Variants in ST6GAL1 observed in about 807,000 individuals in gnomAD.
ST6GAL1 encodes the protein beta-galactoside alpha-2,6-sialyltransferase 1.
A neutral mutation model predicts 38.0 loss-of-function variants in ST6GAL1; 20 were observed. That is an observed-to-expected ratio of 0.53 (90% CI 0.37 to 0.77). The LOEUF is 0.77. Ranked by LOEUF, ST6GAL1 falls within the 30% of genes least tolerant of loss-of-function variation. The probability of loss-of-function intolerance (pLI) is 0.00; values close to 1 mark genes in which losing one functional copy is unlikely to be tolerated. For synonymous variants in ST6GAL1, 196 were observed against 188.2 expected, an observed-to-expected ratio of 1.04 and a Z score of -0.34; for missense variants, 432 against 496.4, an observed-to-expected ratio of 0.87 and a Z score of 1.23.
chr3:186,940,869 G>T (rs1329179867), intron 1 of ST6GAL1, among the ~76,000 whole-genome samples: 1 of 145,926 alleles, frequency 6.9e-6, no homozygotes, highest in African/African-American at 2.5e-5. Context: ...GGACATTTAT[G>T]TATTCCCATA....
intron 2 of ST6GAL1, among the ~76,000 whole-genome samples, chr3:186,997,400 T>G (rs1716453458): frequency 1.3e-5 from 2 of 152,142 alleles, no homozygotes. Context: ...TATTCTGCTC[T>G]TCATCATCTG....
chr3:187,021,680 G>T (rs1364578381), intron 2 of ST6GAL1, among the ~76,000 whole-genome samples: 1 of 147,656 alleles, frequency 6.8e-6, no homozygotes, highest in Admixed American at 6.9e-5. Flanking sequence ...GGCAGAGGTT[G>T]CAGTGAATCA....
intron 2 of ST6GAL1, among the ~76,000 whole-genome samples, chr3:186,987,835 A>G (rs1716006806): frequency 6.6e-6 from 1 of 152,248 alleles, no homozygotes; most frequent in African/African-American, 2.4e-5. Context: ...TTAAATAAAT[A>G]TGTTTCTGCT....
At chr3:186,934,319 G>A (rs540552511) in intron 1 of ST6GAL1, among the ~76,000 whole-genome samples, 1 of 152,088 alleles carries the variant, frequency 6.6e-6, no homozygotes, top group Non-Finnish European at 1.5e-5. Flanking sequence ...GGAAGAGTTC[G>A]AATTCCTTGA....
At chr3:187,072,637 T>A (rs1390886531) in intron 5 of ST6GAL1, 1 of 537,604 alleles carries the variant, frequency 1.9e-6, no homozygotes, top group Non-Finnish European at 3.4e-6. Context: ...ATTCTATGGC[T>A]AGTGGCTTGT....
intron 4 of ST6GAL1, among the ~76,000 whole-genome samples, chr3:187,050,602 AGAAG>A (rs1354010199): frequency 6.6e-6 from 1 of 151,666 alleles, no homozygotes; most frequent in Non-Finnish European, 1.5e-5. Context: ...AGGAAGGAAA[AGAAG>A]GAAGGAAGGA....
At chr3:186,941,699 T>A (rs1014240339) in intron 1 of ST6GAL1, among the ~76,000 whole-genome samples, 5 of 151,916 alleles carry the variant, frequency 3.3e-5, no homozygotes, top group Non-Finnish European at 5.9e-5. Context: ...CACTGCCGTG[T>A]TATAAAGTGA....
chr3:187,008,681 A>G (rs1033560212), intron 2 of ST6GAL1, among the ~76,000 whole-genome samples: 2 of 152,224 alleles, frequency 1.3e-5, no homozygotes, highest in Non-Finnish European at 2.9e-5. Context: ...AAACTTGAGG[A>G]ACAAAAGAAG....
chr3:186,967,593 C>T (rs1715190917), intron 2 of ST6GAL1, among the ~76,000 whole-genome samples: 1 of 152,106 alleles, frequency 6.6e-6, no homozygotes, highest in Non-Finnish European at 1.5e-5. Flanking sequence ...AGGGACAGGG[C>T]TGAGGGGAGG....
At chr3:187,039,200 T>A (rs1718042269) in intron 3 of ST6GAL1, among the ~76,000 whole-genome samples, 1 of 152,216 alleles carries the variant, frequency 6.6e-6, no homozygotes, top group South Asian at 2.1e-4. Context: ...GGGACAGGAT[T>A]TCCTTGCTTT....
chr3:187,022,328 C>T (rs540465709), intron 2 of ST6GAL1, among the ~76,000 whole-genome samples: 2 of 151,988 alleles, frequency 1.3e-5, no homozygotes, highest in Admixed American at 6.5e-5. Flanking sequence ...GGAAAGATGG[C>T]TACAGAGAGT....
intron 2 of ST6GAL1, among the ~76,000 whole-genome samples, chr3:187,015,987 G>A (rs930650471): frequency 6.6e-6 from 1 of 152,190 alleles, no homozygotes; most frequent in Non-Finnish European, 1.5e-5. Flanking sequence ...AGGATAACAC[G>A]GTACCGGCTT....
At chr3:186,950,635 G>A (rs1310746402) in intron 1 of ST6GAL1, among the ~76,000 whole-genome samples, 1 of 152,246 alleles carries the variant, frequency 6.6e-6, no homozygotes, top group Admixed American at 6.5e-5. Context: ...CAGCAGGTAG[G>A]TGGGAGGAGG....
chr3:186,935,506 C>T (rs549346084), intron 1 of ST6GAL1, among the ~76,000 whole-genome samples: 138 of 152,186 alleles, frequency 9.1e-4, no homozygotes, highest in African/African-American at 3.3e-3. Context: ...TATATTCCTT[C>T]GGGTATTTAC....
intron 2 of ST6GAL1, among the ~76,000 whole-genome samples, chr3:187,024,077 A>G (rs11922914): frequency 0.025 from 3,839 of 151,508 alleles, 150 homozygotes; most frequent in African/African-American, 0.088. Flanking sequence ...TTATATATAT[A>G]CATATATACA....
chr3:187,071,293 C>T lies in ST6GAL1; in HGVS notation c.706-1556C>T, dbSNP rs186774523. On this transcript the variant is annotated intron_variant, in intron 5 of 7. Transcript: ENST00000169298. ...TAAGGTGAATGTTGACAGCTGATTT[C>T]ATATATTAATTCTGGCTTTCTTAAG... Among the ~76,000 whole-genome samples the T allele has an allele frequency of 8.7e-4, 132 of 152,298 alleles. No individual in the cohort carries two copies. The Middle Eastern group carries it at 0.014, about 16-fold the overall frequency.
chr3:186,960,876 G>A (rs1410877546), intron 1 of ST6GAL1, among the ~76,000 whole-genome samples: 2 of 151,282 alleles, frequency 1.3e-5, no homozygotes, highest in African/African-American at 4.9e-5. Context: ...CCTGCATGGT[G>A]TCCTGTCTAC....
intron 1 of ST6GAL1, among the ~76,000 whole-genome samples, chr3:186,956,998 A>G (rs1049989540): frequency 2.0e-5 from 3 of 152,270 alleles, no homozygotes; most frequent in Non-Finnish European, 4.4e-5. Flanking sequence ...ATGTTGCATT[A>G]ATAAAATAAA....
chr3:187,022,027 T>C (rs1717326128), intron 2 of ST6GAL1: 2 of 152,210 alleles, frequency 1.3e-5, no homozygotes, highest in Admixed American at 6.5e-5. Context: ...TTTCCCTGAG[T>C]TCTGTGAGCC....
Sources: gnomAD v4.1 joint callset for allele counts (sites outside exome capture counted in the v4.1 genomes callset) on GRCh38, gnomAD v4.1.1 for gene constraint, MANE v1.5 for transcripts, NCBI Gene and HGNC (gene_info 2026-07-23, HGNC 2026-07-21) for gene names.